Variants in PAIP2B observed in about 807,000 individuals in gnomAD.
The protein encoded by PAIP2B is poly(A) binding protein interacting protein 2B, also known as polyadenylate-binding protein-interacting protein 2B.
Under a neutral mutation model 17.0 loss-of-function variants are expected in PAIP2B, and 13 were observed. The observed-to-expected ratio is 0.76, with a 90% CI of 0.50 to 1.22. PAIP2B has a LOEUF of 1.22. PAIP2B is among the 50% of genes most tolerant of loss of function. PAIP2B has a pLI of 0.00. For synonymous variants in PAIP2B, 43 were observed against 48.7 expected (o/e 0.88, Z 0.48); for missense variants, 117 against 144.5 (o/e 0.81, Z 0.98).
At position 71,208,967 on chromosome 2, in the gene PAIP2B, A is replaced by G. The variant is rs559602903; in HGVS notation, c.-11-6367T>C. On this transcript the variant is annotated intron_variant, in intron 1 of 3. Transcript: ENST00000244221. ...GGCCTCCAGAACTATGAGACAATAA[A>G]TGTTGTTTTAAGATACCAGTTTGTG... Among the ~76,000 whole-genome samples, 41 of 152,284 alleles carry G rather than the reference A, an allele frequency of 2.7e-4. 1 individual carries two copies. The highest frequency in any genetic ancestry group is 9.6e-4 in the African/African-American group (40 of 41,554).
chr2:71,203,598 T>A (rs1675043014), intron 1 of PAIP2B, among the ~76,000 whole-genome samples: 1 of 152,168 alleles, frequency 6.6e-6, no homozygotes, highest in Non-Finnish European at 1.5e-5. Flanking sequence ...TCTTAAGATA[T>A]GTTTACTGGC....
At chr2:71,217,327 G>T (rs1675454582) in intron 1 of PAIP2B, among the ~76,000 whole-genome samples, 1 of 152,004 alleles carries the variant, frequency 6.6e-6, no homozygotes, top group African/African-American at 2.4e-5. Flanking sequence ...TAGAGACAAG[G>T]TTTCACCATT....
chr2:71,196,790 T>C (rs995433914), intron 2 of PAIP2B, among the ~76,000 whole-genome samples: 2 of 152,172 alleles, frequency 1.3e-5, no homozygotes, highest in African/African-American at 2.4e-5. Context: ...TCTTTTTTTA[T>C]CTTTGTTGGT....
intron 2 of PAIP2B, among the ~76,000 whole-genome samples, chr2:71,194,380 T>C (rs1674762332): frequency 6.6e-6 from 1 of 152,122 alleles, no homozygotes; most frequent in African/African-American, 2.4e-5. Flanking sequence ...TGTTTGCATC[T>C]TCTCTGATTT....
At position 71,189,157 on chromosome 2, in the gene PAIP2B, C is replaced by T. The variant is rs182237895; in HGVS notation, c.316-622G>A. 1.4e-4 allele frequency among the ~76,000 whole-genome samples: 21 copies of T among 152,100 alleles called. No homozygotes were observed. The East Asian group carries it at 2.9e-3, about 21-fold the overall frequency. On this transcript the variant is annotated intron_variant, in intron 3 of 3. Coordinates refer to ENST00000244221, the MANE Select transcript of PAIP2B (RefSeq NM_020459.1). ...TAGCCTTCCAAGCTGGGACTACAGG[C>T]GCGCACCACCATGCCTGGCTAATTT...
intron 1 of PAIP2B, among the ~76,000 whole-genome samples, chr2:71,219,694 A>G (rs943572568): frequency 6.6e-6 from 1 of 151,974 alleles, no homozygotes; most frequent in African/African-American, 2.4e-5. Context: ...TCCTTCATTC[A>G]CTTATTTTTA....
chr2:71,221,508 T>C (rs1277747642), intron 1 of PAIP2B, among the ~76,000 whole-genome samples: 1 of 152,166 alleles, frequency 6.6e-6, no homozygotes, highest in East Asian at 1.9e-4. Flanking sequence ...CGGTCTAGTA[T>C]GAAAAACAGC....
At chr2:71,190,941 G>C (rs561784933) in intron 2 of PAIP2B, among the ~76,000 whole-genome samples, 2 of 152,280 alleles carry the variant, frequency 1.3e-5, no homozygotes, top group East Asian at 3.9e-4. Flanking sequence ...TCTTTCAAAA[G>C]ATGAAATATA....
chr2:71,216,735 A>G (rs1675439037), intron 1 of PAIP2B, among the ~76,000 whole-genome samples: 1 of 152,244 alleles, frequency 6.6e-6, no homozygotes, highest in Non-Finnish European at 1.5e-5. Flanking sequence ...CAGGTGTTCA[A>G]GAACCTCTGG....
rs1159807873 is a variant in PAIP2B at position 71,188,207 on chromosome 2, A to G, written c.*272T>C. The G allele has an allele frequency of 4.3e-6, 2 of 466,176 alleles. No homozygotes were observed. Among genetic ancestry groups the G allele is most frequent in the African/African-American group, 2.0e-5 (1 of 51,084 alleles). 28.9% of individuals were successfully genotyped at this position (466,176 alleles called of 1,614,324 possible). A position where few individuals can be genotyped will look rare whatever the true frequency, so the allele number is the denominator to read the frequency against. On this transcript the variant is annotated 3_prime_UTR_variant, in exon 4 of 4. Coordinates refer to ENST00000244221, the MANE Select transcript of PAIP2B (RefSeq NM_020459.1). ...GCGGAACACTTCTGATGAAGGGGGG[A>G]AAATGCAATTTCCTTAACTCGAAAG...
At chr2:71,194,467 G>GTC (rs1357607547) in intron 2 of PAIP2B, among the ~76,000 whole-genome samples, 2 of 129,726 alleles carry the variant, frequency 1.5e-5, no homozygotes, top group Non-Finnish European at 3.4e-5. Flanking sequence ...GGTTGTGTGT[G>GTC]TGTGTGTGTG....
chr2:71,207,370 G>A (rs1675157926), intron 1 of PAIP2B, among the ~76,000 whole-genome samples: 4 of 152,160 alleles, frequency 2.6e-5, no homozygotes, highest in Admixed American at 1.3e-4. Context: ...TACGTATATA[G>A]CCAGAGAATG....
At position 71,196,924 on chromosome 2, in the gene PAIP2B, G is replaced by A. The variant is rs930125069; in HGVS notation, c.138+5528C>T. Among the ~76,000 whole-genome samples the A allele has an allele frequency of 3.9e-5, 6 of 152,126 alleles. 1 individual carries two copies. The highest frequency in any genetic ancestry group is 6.5e-5 in the Admixed American group (1 of 15,282). On this transcript the variant is annotated intron_variant, in intron 2 of 3. Coordinates refer to ENST00000244221, the MANE Select transcript of PAIP2B (RefSeq NM_020459.1). ...ATGAGTGTCATTATGTGTGAGATGG[G>A]TTTCTTGAAGACAGCATGCTATTGG...
At chr2:71,199,299 C>A (rs1209808019) in intron 2 of PAIP2B, among the ~76,000 whole-genome samples, 1 of 151,810 alleles carries the variant, frequency 6.6e-6, no homozygotes, top group Admixed American at 6.6e-5. Context: ...AAAAAAAGCC[C>A]CCTTAATCTC....
chr2:71,208,321 G>A (rs1226707874), intron 1 of PAIP2B, among the ~76,000 whole-genome samples: 1 of 152,082 alleles, frequency 6.6e-6, no homozygotes, highest in African/African-American at 2.4e-5. Context: ...CTACTCGGAG[G>A]CTGAGGCAGG....
intron 1 of PAIP2B, among the ~76,000 whole-genome samples, 186 bp downstream of exon 1, chr2:71,226,742 C>G (rs1675740741): frequency 6.6e-6 from 1 of 152,190 alleles, no homozygotes; most frequent in Non-Finnish European, 1.5e-5. Flanking sequence ...AGCGGACGCC[C>G]CTTTTCGCCG....
intron 2 of PAIP2B, among the ~76,000 whole-genome samples, chr2:71,193,811 T>A (rs1248911235): frequency 6.6e-6 from 1 of 151,898 alleles, no homozygotes; most frequent in East Asian, 1.9e-4. Flanking sequence ...TACTCCAGCC[T>A]GGGCTACAGA....
chr2:71,220,299 A>G (rs1225975171), intron 1 of PAIP2B, among the ~76,000 whole-genome samples: 1 of 152,134 alleles, frequency 6.6e-6, no homozygotes, highest in Non-Finnish European at 1.5e-5. Flanking sequence ...AAGCAAATGT[A>G]CTCTTTGGGG....
chr2:71,202,366 T>C (rs1024070578), intron 2 of PAIP2B, 86 bp downstream of exon 2: 10 of 1,505,792 alleles, frequency 6.6e-6, no homozygotes, highest in African/African-American at 1.4e-5. Flanking sequence ...TGTATCCATT[T>C]CTTTTGTAAT....
Sources: gnomAD v4.1 joint callset for allele counts (sites outside exome capture counted in the v4.1 genomes callset) on GRCh38, gnomAD v4.1.1 for gene constraint, MANE v1.5 for transcripts, NCBI Gene and HGNC (gene_info 2026-07-23, HGNC 2026-07-21) for gene names.